Variants in ASTN2 observed in about 807,000 individuals in gnomAD.
The protein encoded by ASTN2 is astrotactin 2.
Under a neutral mutation model 139.8 loss-of-function variants are expected in ASTN2, and 54 were observed. The ratio of observed to expected loss-of-function variants is 0.39; its 90% CI spans 0.31 to 0.48. ASTN2 has a LOEUF of 0.48. ASTN2 is among the 20% of genes least tolerant of loss of function. The pLI is 0.95. For missense variants in ASTN2, 1,565 were observed against 1,725.1 expected, an observed-to-expected ratio of 0.91 and a Z score of 1.64; for synonymous variants, 756 against 719.5, an observed-to-expected ratio of 1.05 and a Z score of -0.81.
chr9:116,550,628 G>A (rs558398931), intron 19 of ASTN2, among the ~76,000 whole-genome samples: 48 of 152,286 alleles, frequency 3.2e-4, no homozygotes, highest in Non-Finnish European at 6.0e-4. Flanking sequence ...ATATAAGGAT[G>A]TTGTTCTGCT....
At chr9:116,502,141 A>ATGTGTGTATGTGTG (rs1554772275) in intron 19 of ASTN2, among the ~76,000 whole-genome samples, 2 of 150,792 alleles carry the variant, frequency 1.3e-5, no homozygotes, top group African/African-American at 4.9e-5. Flanking sequence ...AGATTTCCAA[A>ATGTGTGTATGTGTG]TGTGTGTGTG....
intron 5 of ASTN2, among the ~76,000 whole-genome samples, chr9:117,087,950 A>G (rs368169559): frequency 5.0e-4 from 76 of 152,356 alleles, no homozygotes; most frequent in African/African-American, 1.6e-3. Context: ...AGAAGAGTAC[A>G]AAGAATGCCT....
chr9:117,222,535 G>A (rs1378318824), intron 2 of ASTN2, among the ~76,000 whole-genome samples: 1 of 152,158 alleles, frequency 6.6e-6, no homozygotes, highest in East Asian at 1.9e-4. Context: ...CACCATGATG[G>A]CACTGTGGCT....
intron 13 of ASTN2, among the ~76,000 whole-genome samples, chr9:116,747,338 A>G (rs1829269178): frequency 1.3e-5 from 2 of 152,196 alleles, no homozygotes; most frequent in African/African-American, 4.8e-5. Flanking sequence ...TATGCTGGTG[A>G]ATGTTTAATT....
chr9:116,623,781 G>A (rs1215166259), intron 17 of ASTN2, among the ~76,000 whole-genome samples: 2 of 152,118 alleles, frequency 1.3e-5, no homozygotes, highest in East Asian at 3.9e-4. Flanking sequence ...GGAGGGACTT[G>A]AACTAAAGCC....
At chr9:116,689,221 C>CT (rs1210900498) in intron 16 of ASTN2, among the ~76,000 whole-genome samples, 1 of 152,148 alleles carries the variant, frequency 6.6e-6, no homozygotes, top group African/African-American at 2.4e-5. Context: ...CTCTTCCTGA[C>CT]TTTAAGTCCT....
intron 19 of ASTN2, among the ~76,000 whole-genome samples, chr9:116,597,300 T>TTTTTGTTTTTG (rs1491422551): frequency 1.9e-5 from 1 of 51,974 alleles, no homozygotes; most frequent in South Asian, 6.4e-4. Flanking sequence ...TTTTGATCTA[T>TTTTTGTTTTTG]TTTTTTTTTT....
chr9:117,293,700 G>T (rs1406422394), intron 1 of ASTN2, among the ~76,000 whole-genome samples: 1 of 152,190 alleles, frequency 6.6e-6, no homozygotes, highest in African/African-American at 2.4e-5. Context: ...TAGCACCCAA[G>T]GCCTTGGCAG....
chr9:117,082,703 T>C (rs1315119322), intron 5 of ASTN2, among the ~76,000 whole-genome samples: 1 of 152,166 alleles, frequency 6.6e-6, no homozygotes, highest in Non-Finnish European at 1.5e-5. Context: ...CTCGGGAGGC[T>C]GAGGCACGAG....
At chr9:117,266,482 A>G (rs1387798590) in intron 2 of ASTN2, among the ~76,000 whole-genome samples, 2 of 152,214 alleles carry the variant, frequency 1.3e-5, no homozygotes, top group Non-Finnish European at 2.9e-5. Context: ...AAGAGCCACC[A>G]TCAACATTAG....
At chr9:117,073,386 A>T (rs765783236) in intron 5 of ASTN2, among the ~76,000 whole-genome samples, 3 of 151,944 alleles carry the variant, frequency 2.0e-5, no homozygotes, top group Admixed American at 6.6e-5. Context: ...AATATCATCT[A>T]TTTCAGGGAA....
At chr9:116,870,251 C>G (rs1465352395) in intron 10 of ASTN2, among the ~76,000 whole-genome samples, 1 of 152,156 alleles carries the variant, frequency 6.6e-6, no homozygotes, top group Non-Finnish European at 1.5e-5. Context: ...CCAGGTAGGT[C>G]CAACTCCACA....
At chr9:116,924,254 TA>T (rs1312741464) in intron 10 of ASTN2, among the ~76,000 whole-genome samples, 4,959 of 142,864 alleles carry the variant, frequency 0.035, 326 homozygotes, top group African/African-American at 0.12. Context: ...ACTAAAAATA[TA>T]AAAAAAAAAA....
chr9:116,488,526 C>T (rs1330398255), intron 19 of ASTN2, among the ~76,000 whole-genome samples: 1 of 152,116 alleles, frequency 6.6e-6, no homozygotes, highest in Non-Finnish European at 1.5e-5. Context: ...GTAGAAACAG[C>T]TAAATGTCCA....
At chr9:116,812,694 C>A (rs965564) in intron 12 of ASTN2, among the ~76,000 whole-genome samples, 4 of 152,036 alleles carry the variant, frequency 2.6e-5, no homozygotes, top group Admixed American at 6.5e-5. Flanking sequence ...TTGAGGTTTA[C>A]AGAAGTTGAG....
At chr9:117,036,829 A>G (rs1422655502) in intron 6 of ASTN2, among the ~76,000 whole-genome samples, 1 of 152,160 alleles carries the variant, frequency 6.6e-6, no homozygotes. Context: ...TGTGCTGTGC[A>G]TTGTGTATCT....
At chr9:116,942,111 CACA>C (rs773138419) in intron 10 of ASTN2, among the ~76,000 whole-genome samples, 1 of 145,494 alleles carries the variant, frequency 6.9e-6, no homozygotes, top group Non-Finnish European at 1.5e-5. Flanking sequence ...CACACACACA[CACA>C]CCACACACAC....
In ASTN2 at chr9:116,685,149, C is replaced by A. The variant is rs778061764; in HGVS notation, c.2807-33356G>T. Among the ~76,000 whole-genome samples the A allele has an allele frequency of 5.8e-4, 88 of 152,096 alleles. 1 individual carries two copies. Among genetic ancestry groups the A allele is most frequent in the Non-Finnish European group, 1.3e-4 (9 of 68,024 alleles). On this transcript the variant is annotated intron_variant, in intron 16 of 22. Coordinates refer to ENST00000313400, the MANE Select transcript of ASTN2 (RefSeq NM_001365068.1). ...TCAGTGCTTGAGATATTTTGCAGAC[C>A]CTGCACTTGATGGATCAGCTGGCAC...
chr9:117,386,233 C>T (rs758578907), intron 1 of ASTN2, among the ~76,000 whole-genome samples: 34 of 152,108 alleles, frequency 2.2e-4, no homozygotes, highest in Non-Finnish European at 4.6e-4. Context: ...TTCATAGAAA[C>T]TCTGCCAGCA....
Sources: allele counts gnomAD v4.1 joint callset (sites outside exome capture counted in the v4.1 genomes callset), GRCh38; gene constraint gnomAD v4.1.1; transcripts MANE v1.5; gene names NCBI Gene and HGNC (gene_info 2026-07-23, HGNC 2026-07-21).